Variants in NXPE4 observed in about 807,000 individuals in gnomAD.
NXPE4 encodes the protein NXPE family member 4.
NXPE4 carries 42 observed loss-of-function variants against 33.3 expected under a neutral mutation model. The ratio of observed to expected loss-of-function variants is 1.26; its 90% CI spans 0.98 to 1.63. The LOEUF (loss-of-function observed/expected upper bound fraction) is 1.63, where lower values mean the gene tolerates loss of function less well. NXPE4 is among the 40% of genes most tolerant of loss of function. The pLI is 0.00. For missense variants in NXPE4, 709 were observed against 647.6 expected, an observed-to-expected ratio of 1.09 and a Z score of -1.03; for synonymous variants, 253 against 234.9, an observed-to-expected ratio of 1.08 and a Z score of -0.71.
the NXPE4 span, among the ~76,000 whole-genome samples, chr11:114,614,995 C>T: frequency 4.7e-5 from 7 of 149,930 alleles, no homozygotes; most frequent in South Asian, 2.1e-4. Context: ...CACTGTTACC[C>T]GGTTTATAAT....
At chr11:114,663,710 CTATCTGAT>C in the NXPE4 span, among the ~76,000 whole-genome samples, 2 of 151,534 alleles carry the variant, frequency 1.3e-5, no homozygotes, top group African/African-American at 4.9e-5. Flanking sequence ...ATCTATCTAT[CTATCTGAT>C]CTACCTACCT....
At chr11:114,621,815 G>T in the NXPE4 span, among the ~76,000 whole-genome samples, 135 of 152,280 alleles carry the variant, frequency 8.9e-4, 2 homozygotes, top group Middle Eastern at 0.027. Context: ...TGCCTTGTGG[G>T]TAACCACTGT....
At chr11:114,595,095 T>C (rs1359048722) in intron 1 of NXPE4, among the ~76,000 whole-genome samples, 2 of 152,168 alleles carry the variant, frequency 1.3e-5, no homozygotes, top group East Asian at 1.9e-4. Context: ...ACCTATCAGG[T>C]TCCCTGTTCT....
chr11:114,571,935 G>A (rs1948898071), intron 5 of NXPE4, among the ~76,000 whole-genome samples: 1 of 152,180 alleles, frequency 6.6e-6, no homozygotes, highest in South Asian at 2.1e-4. Flanking sequence ...CTGGCTGGAG[G>A]CCAACGAACA....
At chr11:114,635,974 C>T in the NXPE4 span, among the ~76,000 whole-genome samples, 9 of 152,108 alleles carry the variant, frequency 5.9e-5, no homozygotes, top group East Asian at 1.7e-3. Flanking sequence ...ATGATGCTGG[C>T]CTCATAAAAT....
intron 2 of NXPE4, chr11:114,583,902 G>A (rs1949217798): frequency 5.1e-6 from 2 of 392,466 alleles, no homozygotes; most frequent in Non-Finnish European, 5.0e-6. Context: ...ATTGGGGCTG[G>A]CAAAGGCAGA....
the NXPE4 span, among the ~76,000 whole-genome samples, chr11:114,669,093 A>C: frequency 6.6e-6 from 1 of 152,060 alleles, no homozygotes; most frequent in Non-Finnish European, 1.5e-5. Context: ...GAATGATTTC[A>C]AAAACAATAG....
chr11:114,619,458 C>T, the NXPE4 span, among the ~76,000 whole-genome samples: 1,971 of 149,268 alleles, frequency 0.013, 25 homozygotes, highest in African/African-American at 0.048. Context: ...ATAAGTGTTG[C>T]CTCGTGGGTA....
At chr11:114,645,862 A>G in the NXPE4 span, among the ~76,000 whole-genome samples, 4 of 152,338 alleles carry the variant, frequency 2.6e-5, no homozygotes, top group African/African-American at 9.6e-5. Context: ...TATAAAAATT[A>G]TAATTTGTTG....
the NXPE4 span, among the ~76,000 whole-genome samples, chr11:114,650,833 C>T: frequency 6.8e-6 from 1 of 147,266 alleles, no homozygotes; most frequent in East Asian, 1.9e-4. Context: ...AGGCTGGACC[C>T]GGAAAACAGA....
At chr11:114,592,511 G>T (rs1161300187) in intron 2 of NXPE4, among the ~76,000 whole-genome samples, 4 of 151,182 alleles carry the variant, frequency 2.6e-5, no homozygotes, top group Admixed American at 2.0e-4. Context: ...CAAGAAATTG[G>T]AGAACACACA....
the NXPE4 span, among the ~76,000 whole-genome samples, chr11:114,638,911 AG>A: frequency 1.3e-5 from 2 of 151,792 alleles, no homozygotes; most frequent in Non-Finnish European, 2.9e-5. Flanking sequence ...CTTGGGGGTC[AG>A]GGGTCAGGGA....
chr11:114,626,403 C>G, the NXPE4 span, among the ~76,000 whole-genome samples: 4 of 152,186 alleles, frequency 2.6e-5, no homozygotes, highest in Non-Finnish European at 4.4e-5. Context: ...GAGGCACCCC[C>G]CAACAGGGGC....
At chr11:114,663,333 T>C in the NXPE4 span, among the ~76,000 whole-genome samples, 1 of 152,178 alleles carries the variant, frequency 6.6e-6, no homozygotes, top group Admixed American at 6.6e-5. Context: ...GCTGCTCTTG[T>C]AGCCTGCCAA....
the NXPE4 span, among the ~76,000 whole-genome samples, chr11:114,638,268 C>G: frequency 3.3e-5 from 5 of 152,068 alleles, no homozygotes; most frequent in Admixed American, 1.3e-4. Context: ...GCTCCTGAGG[C>G]TTCTGCATTC....
upstream of NXPE4, among the ~76,000 whole-genome samples, chr11:114,599,747 AACTC>A (rs759267158): frequency 6.6e-6 from 1 of 152,042 alleles, no homozygotes; most frequent in Admixed American, 6.6e-5. Context: ...ATCTTGTGAG[AACTC>A]ACTCACTATA....
the NXPE4 span, among the ~76,000 whole-genome samples, chr11:114,618,603 G>A: frequency 6.6e-6 from 1 of 151,980 alleles, no homozygotes; most frequent in Non-Finnish European, 1.5e-5. Context: ...GTTACCCTGT[G>A]GATAATAAGT....
At position 114,574,929 on chromosome 11, in the gene NXPE4, T is replaced by C. The variant is rs567874658; in HGVS notation, c.1100-3456A>G. ...CAGTAACATCCCTTATGAACATAGA[T>C]GCTAAAATCCTCACCAAAATACTAG... On this transcript the variant is annotated intron_variant, in intron 5 of 5. Transcript: ENST00000375478. Among the ~76,000 whole-genome samples, 20 of 152,210 alleles carry C rather than the reference T, an allele frequency of 1.3e-4. 1 individual carries two copies. The highest frequency in any genetic ancestry group is 2.4e-4 in the Non-Finnish European group (16 of 67,964).
the NXPE4 span, among the ~76,000 whole-genome samples, chr11:114,606,409 G>T: frequency 6.6e-6 from 1 of 151,932 alleles, no homozygotes; most frequent in Non-Finnish European, 1.5e-5. Context: ...TTACCCGGTG[G>T]ATAATAAGTA....
Sources: gnomAD v4.1 joint callset for allele counts (sites outside exome capture counted in the v4.1 genomes callset) on GRCh38, gnomAD v4.1.1 for gene constraint, MANE v1.5 for transcripts, NCBI Gene and HGNC (gene_info 2026-07-23, HGNC 2026-07-21) for gene names.